Variants in CD101 observed in about 807,000 individuals in gnomAD.
The protein encoded by CD101 is immunoglobulin superfamily member 2.
CD101 carries 76 observed loss-of-function variants against 98.2 expected under a neutral mutation model. That is an observed-to-expected ratio of 0.77 (90% CI 0.64 to 0.94). CD101 has a LOEUF of 0.94. CD101 is among the 40% of genes least tolerant of loss of function. The pLI, the probability that CD101 is intolerant of heterozygous loss-of-function variation, is 0.00. For missense variants in CD101, 1,145 were observed against 1,218.8 expected (o/e 0.94, Z 0.90); for synonymous variants, 471 against 472.7 (o/e 1.00, Z 0.05).
intron 1 of CD101, among the ~76,000 whole-genome samples, chr1:117,003,259 G>C (rs1421384568): frequency 6.6e-6 from 1 of 152,236 alleles, no homozygotes; most frequent in African/African-American, 2.4e-5. Context: ...GTGTGACCAG[G>C]ACTATGGCTG....
chr1:117,018,660 C>A lies in CD101; in HGVS notation c.2017+100C>A. ...ACAATAAAACATAAAATACTTTCTC[C>A]CATATTTGTTCTATCTAAGTAAGCA... On this transcript the variant is annotated intron_variant, in intron 6 of 9. Transcript: ENST00000682167. This position sits in a 1 kb window ranked among gnomAD's most constrained non-coding sequence, Gnocchi z 4.3. 8.5e-7 allele frequency: 1 copy of A among 1,169,964 alleles called. No homozygotes were observed. The highest frequency in any genetic ancestry group is 1.2e-6 in the Non-Finnish European group (1 of 845,814). The allele number at this position is 1,169,964 out of a possible 1,614,324, so 72.5% of individuals were successfully genotyped here. A position where few individuals can be genotyped will look rare whatever the true frequency, so the allele number is the denominator to read the frequency against.
intron 7 of CD101, among the ~76,000 whole-genome samples, chr1:117,024,573 AT>A (rs1360384319): frequency 6.6e-6 from 1 of 152,216 alleles, no homozygotes; most frequent in African/African-American, 2.4e-5. Flanking sequence ...TAATTTCTTT[AT>A]TTTGTTTGTA....
rs1431759105 is a variant in CD101 at position 117,004,534 on chromosome 1, C to T, written c.43+2674C>T. On this transcript the variant is annotated intron_variant, in intron 1 of 9. Coordinates refer to ENST00000682167, the MANE Select transcript of CD101 (RefSeq NM_001256106.3). The surrounding 1 kb of genome is among the most constrained non-coding windows in gnomAD (Gnocchi z 4.1). ...GATTCTAATGTTAGTATGTCAGTGCCAAGCTTTGTACTCATCAGCCAACAA... is the reference window on the plus strand; with the variant it reads ...GATTCTAATGTTAGTATGTCAGTGCTAAGCTTTGTACTCATCAGCCAACAA... Among the ~76,000 whole-genome samples the T allele has an allele frequency of 6.6e-6, 1 of 152,032 alleles. No homozygotes were observed.
chr1:117,007,405 T>A (rs769141385), intron 1 of CD101, among the ~76,000 whole-genome samples: 23 of 151,858 alleles, frequency 1.5e-4, no homozygotes, highest in Non-Finnish European at 1.5e-5. Flanking sequence ...TGGAGTACAG[T>A]GACGCAATCT....
chr1:117,011,434 T>C, intron 2 of CD101, 116 bp from the exon 3 acceptor site: 2 of 845,740 alleles, frequency 2.4e-6, no homozygotes, highest in Non-Finnish European at 3.7e-6. Context: ...ATATGGCAAG[T>C]GGAAAACCAA....
chr1:117,032,497 T>C (rs1654523495), intron 8 of CD101: 1 of 152,210 alleles, frequency 6.6e-6, no homozygotes, highest in Non-Finnish European at 1.5e-5. Context: ...ATGCCAAAAA[T>C]GGAATTCTTG....
At chr1:117,031,738 A>G (rs546282295) in intron 8 of CD101, among the ~76,000 whole-genome samples, 3 of 152,340 alleles carry the variant, frequency 2.0e-5, no homozygotes, top group South Asian at 4.1e-4. Context: ...TCTCATCACA[A>G]CTCTAGAAAT....
chr1:117,030,474 GAGAGAA>G (rs1228276868), intron 8 of CD101, among the ~76,000 whole-genome samples: 2 of 151,998 alleles, frequency 1.3e-5, no homozygotes, highest in Admixed American at 6.6e-5. Context: ...AAAAAAGAGA[GAGAGAA>G]AGAGAAAGAG....
chr1:117,020,089 C>T (rs1444656494), intron 6 of CD101, among the ~76,000 whole-genome samples: 1 of 152,122 alleles, frequency 6.6e-6, no homozygotes, highest in African/African-American at 2.4e-5. Flanking sequence ...TTAACCTCTT[C>T]TCCATCGGAA....
chr1:117,033,896 C>CTT lies in CD101; in HGVS notation c.2863_2864dup (p.Leu955PhefsTer48). ...CCTTCCAGGATCTGCTCCTCGGCCC[C>CTT]TTTACTCTATTTCCTGTTCATCTGT... On this transcript the variant is annotated frameshift_variant, in exon 9 of 10. Transcript: ENST00000682167. LOFTEE classifies it high-confidence loss of function. The surrounding 1 kb of genome is among the most constrained non-coding windows in gnomAD (Gnocchi z 4.8). 6.2e-7 allele frequency: 1 copy of CTT among 1,614,182 alleles called. No homozygotes were observed. Among genetic ancestry groups the CTT allele is most frequent in the Non-Finnish European group, 8.5e-7 (1 of 1,180,016 alleles).
Position 117,004,048 on chromosome 1 carries a change from A to G in CD101, c.43+2188A>G, listed in dbSNP as rs1313128981. Among the ~76,000 whole-genome samples, 12 of 152,226 alleles carry G rather than the reference A, an allele frequency of 7.9e-5. No homozygotes were observed. On this transcript the variant is annotated intron_variant, in intron 1 of 9. Coordinates refer to ENST00000682167, the MANE Select transcript of CD101 (RefSeq NM_001256106.3). This position sits in a 1 kb window ranked among gnomAD's most constrained non-coding sequence, Gnocchi z 4.1. ...AATGGTGCCATATGAGATTAATGTC[A>G]TGGGTAAATGAGTTCTCGGATTTAG... is the stretch of plus-strand genomic sequence containing the variant.
At chr1:117,024,682 T>C (rs1033902174) in intron 7 of CD101, among the ~76,000 whole-genome samples, 1 of 152,188 alleles carries the variant, frequency 6.6e-6, no homozygotes, top group Non-Finnish European at 1.5e-5. Context: ...AATCCAATCA[T>C]CTAAATAGCT....
At chr1:117,020,625 A>C (rs1385892978) in intron 6 of CD101, among the ~76,000 whole-genome samples, 1 of 152,220 alleles carries the variant, frequency 6.6e-6, no homozygotes, top group Non-Finnish European at 1.5e-5. Context: ...TAAATGTGGA[A>C]GACAGTGATC....
At chr1:117,003,212 G>A (rs923261007) in intron 1 of CD101, among the ~76,000 whole-genome samples, 1 of 152,214 alleles carries the variant, frequency 6.6e-6, no homozygotes, top group Non-Finnish European at 1.5e-5. Context: ...GACCCGAATG[G>A]CTGGGATGAT....
In CD101 at chr1:117,021,451, T is replaced by C. The variant is rs41312680; in HGVS notation, c.2018-122T>C. Reference sequence around the variant, plus strand: ...CTGTATGAGCAGTGAGTGGGGCTACTGTAGAGGGAGTTCACCCATATGATG... The same window carrying C: ...CTGTATGAGCAGTGAGTGGGGCTACCGTAGAGGGAGTTCACCCATATGATG... On this transcript the variant is annotated intron_variant, in intron 6 of 9. Coordinates refer to ENST00000682167, the MANE Select transcript of CD101 (RefSeq NM_001256106.3). The surrounding 1 kb of genome is among the most constrained non-coding windows in gnomAD (Gnocchi z 4.7). 2,376 of 767,534 alleles carry C rather than the reference T, an allele frequency of 3.1e-3. 10 individuals are homozygous for C. Among genetic ancestry groups the C allele is most frequent in the Non-Finnish European group, 3.8e-3 (1,854 of 491,980 alleles). The allele number at this position is 767,534 out of a possible 1,614,324, so 47.5% of individuals were successfully genotyped here. A position where few individuals can be genotyped will look rare whatever the true frequency, so the allele number is the denominator to read the frequency against.
chr1:117,030,467 AAAG>A (rs975635342), intron 8 of CD101, among the ~76,000 whole-genome samples: 20 of 152,112 alleles, frequency 1.3e-4, no homozygotes, highest in East Asian at 7.7e-4. Flanking sequence ...AGAAAGAAAA[AAAG>A]AGAGAGAGAA....
chr1:117,013,548 C>T lies in CD101; in HGVS notation c.984C>T (p.His328=). 2 of 1,614,182 alleles carry T rather than the reference C, an allele frequency of 1.2e-6. No homozygotes were observed. The highest frequency in any genetic ancestry group is 1.1e-5 in the South Asian group (1 of 91,086). The change falls in exon 4 of 10, where the codon CAC becomes CAT. Residue 328 remains histidine (H), a synonymous_variant. Coordinates refer to ENST00000682167, the MANE Select transcript of CD101 (RefSeq NM_001256106.3). ...TCTTCAATGGGACTGAAATTGCTCACATTGATGCTGGTGGAGTCCTGGGCC... is the reference window on the plus strand; with the variant it reads ...TCTTCAATGGGACTGAAATTGCTCATATTGATGCTGGTGGAGTCCTGGGCC... ...IWFFNGTEIA[H]IDAGGVLGLK...
chr1:117,021,527 C>T lies in CD101; in HGVS notation c.2018-46C>T, dbSNP rs1653579393. 6.7e-7 allele frequency: 1 copy of T among 1,498,352 alleles called. No homozygotes were observed. The highest frequency in any genetic ancestry group is 8.9e-7 in the Non-Finnish European group (1 of 1,122,890). 92.8% of individuals were successfully genotyped at this position (1,498,352 alleles called of 1,614,324 possible). A position where few individuals can be genotyped will look rare whatever the true frequency, so the allele number is the denominator to read the frequency against. ...ACCTCTAATGTCTCTACTACCTTAACTTTCTATTTCATAGCAAAGTAACTG... is the reference window on the plus strand; with the variant it reads ...ACCTCTAATGTCTCTACTACCTTAATTTTCTATTTCATAGCAAAGTAACTG... On this transcript the variant is annotated intron_variant, in intron 6 of 9. Transcript: ENST00000682167. This position sits in a 1 kb window ranked among gnomAD's most constrained non-coding sequence, Gnocchi z 4.7.
chr1:117,017,343 C>G lies in CD101; in HGVS notation c.1482C>G (p.Phe494Leu). The change falls in exon 5 of 10, where the codon TTC becomes TTG. Residue 494 changes from phenylalanine (F) to leucine (L), a missense_variant. Physicochemically the swap from Phe to Leu is conservative, Grantham distance 22 (BLOSUM62 0). Transcript: ENST00000682167. ...TRLEKMDWATFQLEITFTAIT... is the reference protein window; with the variant it reads ...TRLEKMDWATLQLEITFTAIT... Reference sequence around the variant, plus strand: ...TGGAGAAAATGGACTGGGCCACCTTCCAGCTGGAGATCACCTTCACTGCCA... The same window carrying G: ...TGGAGAAAATGGACTGGGCCACCTTGCAGCTGGAGATCACCTTCACTGCCA... 1 of 1,614,232 alleles carries G rather than the reference C, an allele frequency of 6.2e-7. No individual in the cohort carries two copies. The highest frequency in any genetic ancestry group is 2.2e-5 in the East Asian group (1 of 44,890).
Sources: gnomAD v4.1 joint callset for allele counts (sites outside exome capture counted in the v4.1 genomes callset) on GRCh38, gnomAD v4.1.1 for gene constraint, Gnocchi (gnomAD v3.1) non-coding constraint, MANE v1.5 for transcripts, NCBI Gene and HGNC (gene_info 2026-07-23, HGNC 2026-07-21) for gene names.